The following MSRA variants were observed in gnomAD, a reference collection of about 807,000 sequenced individuals.
MSRA encodes mitochondrial peptide methionine sulfoxide reductase.
Under a neutral mutation model 31.3 loss-of-function variants are expected in MSRA, and 54 were observed. The ratio of observed to expected loss-of-function variants is 1.73; its 90% CI spans 1.39 to 2.17. MSRA has a LOEUF of 2.17. MSRA is among the 30% of genes most tolerant of loss of function. The pLI is 0.00. For missense variants in MSRA, 507 were observed against 300.9 expected (o/e 1.69, Z -5.07); for synonymous variants, 169 against 116.5 (o/e 1.45, Z -2.90).
In MSRA at chr8:10,400,410, C is replaced by A. The variant is rs545404266; in HGVS notation, c.544-27738C>A. On this transcript the variant is annotated intron_variant, in intron 5 of 5. Coordinates refer to ENST00000317173, the MANE Select transcript of MSRA (RefSeq NM_012331.5). ...AGTGTGTAGTGTGTAGGGAAAGATA[C>A]ACGGTGGATGAATGAGAGCTGGGGC... Among the ~76,000 whole-genome samples the A allele has an allele frequency of 4.1e-5, 5 of 121,836 alleles. No homozygotes were observed. In the South Asian group the frequency reaches 1.1e-3, roughly 26 times the overall value. 79.9% of individuals were successfully genotyped at this position (121,836 alleles called of 152,430 possible).
Position 10,428,823 on chromosome 8 carries a change from T to C in MSRA, c.*511T>C, listed in dbSNP as rs1487262519. The C allele has an allele frequency of 6.3e-6, 1 of 158,334 alleles. No individual in the cohort carries two copies. The highest frequency in any genetic ancestry group is 1.4e-5 in the Non-Finnish European group (1 of 72,712). 9.8% of individuals were successfully genotyped at this position (158,334 alleles called of 1,614,324 possible). On this transcript the variant is annotated 3_prime_UTR_variant, in exon 6 of 6. Coordinates refer to ENST00000317173, the MANE Select transcript of MSRA (RefSeq NM_012331.5). The stretch of plus-strand genomic sequence containing the variant: ...AAAAGATGTGAGTCCGCTTGATGAA[T>C]TCTAATGCTTTGCTTAGAGCTATGA...
At chr8:10,179,001 A>G (rs1193121692) in intron 1 of MSRA, among the ~76,000 whole-genome samples, 1 of 152,050 alleles carries the variant, frequency 6.6e-6, no homozygotes, top group Non-Finnish European at 1.5e-5. Context: ...CCTGCATGCA[A>G]ATTTCTGATG....
chr8:10,063,186 C>T lies in MSRA; in HGVS notation c.142+8528C>T, dbSNP rs191343157. Among the ~76,000 whole-genome samples the T allele has an allele frequency of 4.5e-3, 690 of 152,272 alleles. 2 individuals carry two copies. The highest frequency in any genetic ancestry group is 6.5e-3 in the Non-Finnish European group (440 of 68,030). On this transcript the variant is annotated intron_variant, in intron 1 of 5. Transcript: ENST00000317173. ...TGCTCTCCTCTCAAATCCCAGAAGCCGCAGTCAGGGTCATCTTTGAGCCTT... is the reference window on the plus strand; with the variant it reads ...TGCTCTCCTCTCAAATCCCAGAAGCTGCAGTCAGGGTCATCTTTGAGCCTT...
intron 1 of MSRA, among the ~76,000 whole-genome samples, chr8:10,129,733 C>A (rs1801763430): frequency 6.6e-6 from 1 of 152,048 alleles, no homozygotes; most frequent in South Asian, 2.1e-4. Flanking sequence ...GCAAAGATAC[C>A]AGTTATTAGG....
At chr8:10,398,297 A>G (rs1807228401) in intron 5 of MSRA, among the ~76,000 whole-genome samples, 1 of 152,180 alleles carries the variant, frequency 6.6e-6, no homozygotes, top group Non-Finnish European at 1.5e-5. Flanking sequence ...TTCTCTTCAT[A>G]GTGAAAGGGC....
chr8:10,307,133 G>A (rs1388261831), intron 4 of MSRA, among the ~76,000 whole-genome samples: 2 of 150,996 alleles, frequency 1.3e-5, no homozygotes, highest in African/African-American at 2.4e-5. Flanking sequence ...AGGAATCCAA[G>A]CTTCCTGACT....
At chr8:10,260,418 A>C (rs1798415723) in intron 3 of MSRA, among the ~76,000 whole-genome samples, 1 of 152,106 alleles carries the variant, frequency 6.6e-6, no homozygotes, top group Admixed American at 6.5e-5. Context: ...GAGACAGAGG[A>C]GGAGGAAGCG....
At chr8:10,331,766 TC>T (rs1802715497) in intron 5 of MSRA, among the ~76,000 whole-genome samples, 1 of 152,214 alleles carries the variant, frequency 6.6e-6, no homozygotes, top group Non-Finnish European at 1.5e-5. Context: ...CCTATGCACA[TC>T]CTCTTGTGTA....
chr8:10,094,386 A>T (rs1453810558), intron 1 of MSRA, among the ~76,000 whole-genome samples: 1 of 152,264 alleles, frequency 6.6e-6, no homozygotes, highest in Non-Finnish European at 1.5e-5. Flanking sequence ...CATGATCCTA[A>T]TTGTGAAGAT....
rs374758423 is a variant in MSRA, at chr8:10,126,063, C to T, written c.142+71405C>T. ...TCTTTAGAAGGAAAGCAGGGAAAAC[C>T]GTGGAAATCATGCTACTTTCATTCT... On this transcript the variant is annotated intron_variant, in intron 1 of 5. Coordinates refer to ENST00000317173, the MANE Select transcript of MSRA (RefSeq NM_012331.5). Among the ~76,000 whole-genome samples the T allele has an allele frequency of 1.9e-4, 29 of 152,268 alleles. No homozygotes were observed. The South Asian group carries it at 5.2e-3, about 27-fold the overall frequency.
At chr8:10,084,319 C>T (rs549675169) in intron 1 of MSRA, among the ~76,000 whole-genome samples, 43 of 152,280 alleles carry the variant, frequency 2.8e-4, no homozygotes, top group Non-Finnish European at 4.6e-4. Flanking sequence ...CCAGCTCCTG[C>T]TTTGCGGCCC....
intron 5 of MSRA, among the ~76,000 whole-genome samples, chr8:10,345,305 A>G (rs1379191485): frequency 1.3e-5 from 2 of 152,190 alleles, no homozygotes; most frequent in African/African-American, 2.4e-5. Context: ...CTCAGTTTCC[A>G]TGTCGGTTAG....
At chr8:10,295,325 G>T (rs1800475163) in intron 3 of MSRA, among the ~76,000 whole-genome samples, 1 of 152,090 alleles carries the variant, frequency 6.6e-6, no homozygotes, top group Non-Finnish European at 1.5e-5. Context: ...GCACTGCGCT[G>T]CCTCTCTCAT....
chr8:10,191,467 A>G (rs553361076), intron 1 of MSRA, among the ~76,000 whole-genome samples: 1 of 152,372 alleles, frequency 6.6e-6, no homozygotes, highest in African/African-American at 2.4e-5. Flanking sequence ...AAACAGCAGG[A>G]AAAGCAAGTA....
At chr8:10,210,827 G>A (rs527268181) in intron 2 of MSRA, among the ~76,000 whole-genome samples, 4 of 151,244 alleles carry the variant, frequency 2.6e-5, no homozygotes, top group South Asian at 2.1e-4. Flanking sequence ...TCCACTTCCC[G>A]AGTTCAAGCG....
intron 5 of MSRA, among the ~76,000 whole-genome samples, chr8:10,405,087 C>T (rs540749592): frequency 5.4e-4 from 83 of 152,300 alleles, no homozygotes; most frequent in African/African-American, 1.9e-3. Context: ...TCGTGGCCAC[C>T]GCTCCAGTGT....
rs534642712 is a variant in MSRA at position 10,074,058 on chromosome 8, C to CTTTTTTTTTTTTTTTTTTT, written c.142+19422_142+19440dup. Among the ~76,000 whole-genome samples the CTTTTTTTTTTTTTTTTTTT allele has an allele frequency of 3.4e-4, 10 of 29,450 alleles. 1 individual carries two copies. The highest frequency in any genetic ancestry group is 1.7e-3 in the East Asian group (1 of 588). 19.3% of individuals were successfully genotyped at this position (29,450 alleles called of 152,430 possible). A position where few individuals can be genotyped will look rare whatever the true frequency, so the allele number is the denominator to read the frequency against. ...CATTTTGTTTTGTCTAAGGGAGGTGCTTTTTTTTTTTTTTTTTTTTTTTTT... is the reference window on the plus strand; with the variant it reads ...CATTTTGTTTTGTCTAAGGGAGGTGCTTTTTTTTTTTTTTTTTTTTTTTTTTTTTTTTTTTTTTTTTTTT... On this transcript the variant is annotated intron_variant, in intron 1 of 5. Coordinates refer to ENST00000317173, the MANE Select transcript of MSRA (RefSeq NM_012331.5).
chr8:10,206,996 G>T (rs1809048340), intron 1 of MSRA, among the ~76,000 whole-genome samples: 1 of 152,232 alleles, frequency 6.6e-6, no homozygotes, highest in Non-Finnish European at 1.5e-5. Context: ...TGCCGATGAT[G>T]CAGTGTGAAG....
chr8:10,095,177 C>T (rs1799069532), intron 1 of MSRA, among the ~76,000 whole-genome samples: 1 of 152,184 alleles, frequency 6.6e-6, no homozygotes, highest in African/African-American at 2.4e-5. Context: ...GTATGTGGTG[C>T]TTATTAAAGT....
Sources: gnomAD v4.1 joint callset for allele counts (sites outside exome capture counted in the v4.1 genomes callset) on GRCh38, gnomAD v4.1.1 for gene constraint, MANE v1.5 for transcripts, NCBI Gene and HGNC (gene_info 2026-07-23, HGNC 2026-07-21) for gene names.